Variants in SYNE2 observed in about 807,000 individuals in gnomAD.
SYNE2 encodes the protein nesprin-2.
Under a neutral mutation model 856.3 loss-of-function variants are expected in SYNE2, and 431 were observed. That is an observed-to-expected ratio of 0.50 (90% CI 0.47 to 0.55). The LOEUF is 0.55. SYNE2 is among the 20% of genes least tolerant of loss of function. SYNE2 has a pLI of 0.00. For missense variants in SYNE2, 8,129 were observed against 8,023.2 expected (o/e 1.01, Z -0.50); for synonymous variants, 2,923 against 2,872.3 (o/e 1.02, Z -0.56).
chr14:63,971,183 C>G (rs1001023178), intron 11 of SYNE2, among the ~76,000 whole-genome samples: 2 of 151,122 alleles, frequency 1.3e-5, no homozygotes, highest in African/African-American at 2.4e-5. Flanking sequence ...TTGATCACGG[C>G]TAACTGCAAC....
intron 43 of SYNE2, among the ~76,000 whole-genome samples, 200 bp downstream of exon 43, chr14:64,027,993 A>G (rs1243710523): frequency 3.3e-5 from 5 of 151,888 alleles, no homozygotes; most frequent in East Asian, 3.9e-4. Context: ...TGCAGTGTCA[A>G]CCTTTGAGGG....
chr14:63,922,027 A>G (rs981158793), intron 2 of SYNE2, among the ~76,000 whole-genome samples: 9 of 152,198 alleles, frequency 5.9e-5, no homozygotes, highest in Admixed American at 2.0e-4. Flanking sequence ...TTTTTGAGAC[A>G]GGGTCTCACT....
In SYNE2 at chr14:64,052,264, C is replaced by T. The variant is rs765459823; in HGVS notation, c.8351C>T (p.Ser2784Leu). ...GILARQQSVE[S>L]LAEEVKDKVP... Reference sequence around the variant, plus strand: ...CTAGCTAGGCAGCAGTCTGTGGAATCGTTGGCTGAAGAGGTCAAAGATAAG... The same window carrying T: ...CTAGCTAGGCAGCAGTCTGTGGAATTGTTGGCTGAAGAGGTCAAAGATAAG... The change falls in exon 48 of 116, where the codon TCG (serine) becomes TTG (leucine). Residue 2784 changes from serine (S) to leucine (L), a missense_variant. By Grantham distance (145) the Ser-to-Leu change is moderately radical. This residue lies in a region of SYNE2 where 5,410 missense variants were observed against 5,284.8 expected (regional missense o/e 1.02). Coordinates refer to ENST00000555002, the MANE Select transcript of SYNE2 (RefSeq NM_182914.3). 6.2e-6 allele frequency: 10 copies of T among 1,614,174 alleles called. No homozygotes were observed. In the South Asian group the frequency reaches 1.1e-4, roughly 18 times the overall value.
In SYNE2 at chr14:64,051,734, G is replaced by C. The variant is rs759309364; in HGVS notation, c.7821G>C (p.Trp2607Cys). The part of the protein sequence containing the change: ...ESQIKQLEHG[W>C]EQVEQQIQKK... ...AGATTAAGCAACTTGAACATGGTTG[G>C]GAACAAGTGGAACAGCAGATTCAAA... is the stretch of plus-strand genomic sequence containing the variant. Residue 2607 changes from tryptophan (W) to cysteine (C), a missense_variant, in exon 48 of 116, where the codon TGG becomes TGC. Trp to Cys is a radical substitution (Grantham distance 215). Coordinates refer to ENST00000555002, the MANE Select transcript of SYNE2 (RefSeq NM_182914.3). 2 of 1,614,174 alleles carry C rather than the reference G, an allele frequency of 1.2e-6. No individual in the cohort carries two copies. The highest frequency in any genetic ancestry group is 2.2e-5 in the South Asian group (2 of 91,088).
intron 2 of SYNE2, among the ~76,000 whole-genome samples, chr14:63,917,656 G>A (rs2095548203): frequency 6.6e-6 from 1 of 151,966 alleles, no homozygotes; most frequent in African/African-American, 2.4e-5. Context: ...TTTTAGTAGA[G>A]ACGGGGTTTC....
Position 64,052,676 on chromosome 14 carries a change from G to T in SYNE2, c.8763G>T (p.Lys2921Asn). ...TGGAAGATCAGTTGAAAAATCTTAA[G>T]ATTAGGACCAACAGAATACAAAGAT... ...LFLEDQLKNLKIRTNRIQRFI... is the reference protein window; with the variant it reads ...LFLEDQLKNLNIRTNRIQRFI... The change falls in exon 48 of 116, where the codon AAG (lysine) becomes AAT (asparagine). Residue 2921 changes from lysine (K) to asparagine (N), a missense_variant. By Grantham distance (94) the Lys-to-Asn change is moderately conservative. Coordinates refer to ENST00000555002, the MANE Select transcript of SYNE2 (RefSeq NM_182914.3). The T allele has an allele frequency of 6.2e-7, 1 of 1,613,794 alleles. No homozygotes were observed. The highest frequency in any genetic ancestry group is 8.5e-7 in the Non-Finnish European group (1 of 1,179,854).
chr14:64,062,023 T>TTAA (rs1335967722), intron 49 of SYNE2, among the ~76,000 whole-genome samples: 1 of 152,194 alleles, frequency 6.6e-6, no homozygotes, highest in Non-Finnish European at 1.5e-5. Context: ...GATATAGAGT[T>TTAA]TTTAGTTACA....
rs1335969605 is a variant in SYNE2, at chr14:63,982,811, G to A, written c.2001+17G>A. 4 of 1,612,400 alleles carry A rather than the reference G, an allele frequency of 2.5e-6. No homozygotes were observed. The highest frequency in any genetic ancestry group is 3.4e-6 in the Non-Finnish European group (4 of 1,178,856). The stretch of plus-strand genomic sequence containing the variant: ...ACTCAACTTGTAAGTTCTTTTGATT[G>A]GTTGCAGCTTTATTTAGATATGATT... On this transcript the variant is annotated intron_variant, in intron 17 of 115. Transcript: ENST00000555002.
intron 1 of SYNE2, among the ~76,000 whole-genome samples, chr14:63,781,052 G>A (rs912186001): frequency 2.0e-5 from 3 of 152,052 alleles, no homozygotes; most frequent in East Asian, 3.8e-4. Flanking sequence ...CGAGGTGGGC[G>A]GATTACCTGA....
chr14:64,147,091 G>A (rs535508618), intron 84 of SYNE2, among the ~76,000 whole-genome samples: 2 of 151,390 alleles, frequency 1.3e-5, no homozygotes, highest in South Asian at 2.1e-4. Context: ...CCTACATTCC[G>A]CAGCCTGGTG....
In SYNE2 at chr14:64,031,373, T is replaced by A; in HGVS notation, c.7221+16T>A. ...AATAAACAAGGTAAGTGCTTGTGATTGCACTTTCAAGACAGTGAGTCTGAG... is the reference window on the plus strand; with the variant it reads ...AATAAACAAGGTAAGTGCTTGTGATAGCACTTTCAAGACAGTGAGTCTGAG... On this transcript the variant is annotated intron_variant, in intron 45 of 115. Transcript: ENST00000555002. 1.2e-6 allele frequency: 2 copies of A among 1,605,524 alleles called. No individual in the cohort carries two copies. Among genetic ancestry groups the A allele is most frequent in the Non-Finnish European group, 1.7e-6 (2 of 1,172,458 alleles).
At position 64,158,726 on chromosome 14, in the gene SYNE2, C is replaced by T; in HGVS notation, c.15894C>T (p.Tyr5298=). Reference sequence around the variant, plus strand: ...ATATGATGACAATCCGATTCTGGTACTGCATGGAACACAGCAAGCCTGTGG... The same window carrying T: ...ATATGATGACAATCCGATTCTGGTATTGCATGGAACACAGCAAGCCTGTGG... ...EVNMMTIRFW[Y]CMEHSKPVVL... Residue 5298 remains tyrosine (Y), a synonymous_variant, in exon 86 of 116, where the codon TAC becomes TAT. Coordinates refer to ENST00000555002, the MANE Select transcript of SYNE2 (RefSeq NM_182914.3). 6.2e-7 allele frequency: 1 copy of T among 1,613,986 alleles called. No individual in the cohort carries two copies. The highest frequency in any genetic ancestry group is 2.2e-5 in the East Asian group (1 of 44,872).
chr14:63,995,081 T>C lies in SYNE2; in HGVS notation c.2819T>C (p.Leu940Pro), dbSNP rs1394344101. Residue 940 changes from leucine to proline, a missense_variant, in exon 23 of 116, where the codon CTA becomes CCA. Transcript: ENST00000555002. ...HHELSLYVQQ[L>P]KIDIEKGKLS... ...GAACTGTCTTTATATGTTCAACAAC[T>C]AAAAATAGATATTGAAAAAGGAAAG... 1 of 1,572,148 alleles carries C rather than the reference T, an allele frequency of 6.4e-7. No homozygotes were observed. The highest frequency in any genetic ancestry group is 8.7e-7 in the Non-Finnish European group (1 of 1,150,706).
At chr14:63,962,005 T>C (rs187059328) in intron 9 of SYNE2, among the ~76,000 whole-genome samples, 10 of 151,846 alleles carry the variant, frequency 6.6e-5, no homozygotes, top group Non-Finnish European at 1.2e-4. Flanking sequence ...TCTAAAGATA[T>C]CAAATTTTTA....
At chr14:63,942,938 A>T (rs567350731) in intron 6 of SYNE2, among the ~76,000 whole-genome samples, 2 of 152,086 alleles carry the variant, frequency 1.3e-5, no homozygotes, top group African/African-American at 4.8e-5. Context: ...TCCTGTTGCT[A>T]TTTTTCAATT....
chr14:64,159,442 G>A lies in SYNE2; in HGVS notation c.16094G>A (p.Arg5365Lys), dbSNP rs1007733286. 5.0e-6 allele frequency: 8 copies of A among 1,613,278 alleles called. No homozygotes were observed. Among genetic ancestry groups the A allele is most frequent in the Middle Eastern group, 1.6e-4 (1 of 6,076 alleles). ...GAGAAATGCCAAAATACTCATAAAA[G>A]GTATGCTTTCAGATATAATTTGAAT... is the stretch of plus-strand genomic sequence containing the variant. Reference protein sequence around the residue: ...IEEKCQNTHKRWTQVNQAIAD... With the variant: ...IEEKCQNTHKKWTQVNQAIAD... The change falls in exon 87 of 116, where the codon AGG (arginine) becomes AAG (lysine). Residue 5365 changes from arginine (R) to lysine (K), a missense_variant and splice_region_variant. Transcript: ENST00000555002.
rs1231343018 is a variant in SYNE2 at position 64,132,444 on chromosome 14, T to A, written c.14514+6T>A. On this transcript the variant is annotated splice_donor_region_variant and intron_variant, in intron 77 of 115. Transcript: ENST00000555002. ...AGCTGCAGAGTTTGTTGCAGGTATTTGGGTTATGTAAACGTTGTACTGAAG... is the reference window on the plus strand; with the variant it reads ...AGCTGCAGAGTTTGTTGCAGGTATTAGGGTTATGTAAACGTTGTACTGAAG... 6.2e-7 allele frequency: 1 copy of A among 1,614,040 alleles called. No homozygotes were observed. The highest frequency in any genetic ancestry group is 1.7e-5 in the Admixed American group (1 of 60,004).
chr14:63,855,436 A>G (rs75728237), intron 1 of SYNE2, among the ~76,000 whole-genome samples: 1,600 of 152,096 alleles, frequency 0.011, 30 homozygotes, highest in African/African-American at 0.036. Context: ...TGACTTTCCT[A>G]TCTTATCTGT....
At chr14:63,890,330 T>G (rs1166668100) in intron 1 of SYNE2, among the ~76,000 whole-genome samples, 1 of 152,146 alleles carries the variant, frequency 6.6e-6, no homozygotes, top group Non-Finnish European at 1.5e-5. Context: ...CCCAAAGTGC[T>G]GGGATTACAG....
Sources: allele counts gnomAD v4.1 joint callset (sites outside exome capture counted in the v4.1 genomes callset), GRCh38; gene constraint gnomAD v4.1.1; regional missense constraint gnomAD v4.1.1; transcripts MANE v1.5; gene names NCBI Gene and HGNC (gene_info 2026-07-23, HGNC 2026-07-21).